Variants in CPEB4 observed in about 807,000 individuals in gnomAD.
The protein encoded by CPEB4 is cytoplasmic polyadenylation element binding protein 4.
In CPEB4, 12 loss-of-function variants were observed where a neutral mutation model predicts 72.5. The ratio of observed to expected loss-of-function variants is 0.17; its 90% CI spans 0.11 to 0.27. The LOEUF (loss-of-function observed/expected upper bound fraction) is 0.27. Among genes scored for constraint, CPEB4 ranks in the 10% least tolerant of loss-of-function variants. The pLI, the probability that CPEB4 is intolerant of heterozygous loss-of-function variation, is 1.00. For synonymous variants in CPEB4, 302 were observed against 326.3 expected, an observed-to-expected ratio of 0.93 and a Z score of 0.80; for missense variants, 614 against 908.5, an observed-to-expected ratio of 0.68 and a Z score of 4.17.
At position 173,950,122 on chromosome 5, in the gene CPEB4, A is replaced by T. The variant is rs185154521; in HGVS notation, c.1665+44A>T. The T allele has an allele frequency of 1.0e-5, 12 of 1,184,108 alleles. No homozygotes were observed. The highest frequency in any genetic ancestry group is 2.1e-5 in the Admixed American group (1 of 48,422). 73.4% of individuals were successfully genotyped at this position (1,184,108 alleles called of 1,614,324 possible). A position where few individuals can be genotyped will look rare whatever the true frequency, so the allele number is the denominator to read the frequency against. ...AAAATAGCTTCTTGTTTTTGCCTCC[A>T]TTCATCTGTTATATTTGAAAAACCC... On this transcript the variant is annotated intron_variant, in intron 7 of 9. Coordinates refer to ENST00000265085, the MANE Select transcript of CPEB4 (RefSeq NM_030627.4). The surrounding 1 kb of genome is among the most constrained non-coding windows in gnomAD (Gnocchi z 5.0).
In CPEB4 at chr5:173,927,689, A is replaced by G. The variant is rs190268261; in HGVS notation, c.1208-4761A>G. On this transcript the variant is annotated intron_variant, in intron 2 of 9. Coordinates refer to ENST00000265085, the MANE Select transcript of CPEB4 (RefSeq NM_030627.4). Reference sequence around the variant, plus strand: ...CTACTCGGGAGGCTGAGGCAGAAGAATCGCTTGAACCCAGGAAGCAGAGGT... The same window carrying G: ...CTACTCGGGAGGCTGAGGCAGAAGAGTCGCTTGAACCCAGGAAGCAGAGGT... 8.9e-4 allele frequency among the ~76,000 whole-genome samples: 135 copies of G among 152,260 alleles called. 1 individual carries two copies. The highest frequency in any genetic ancestry group is 3.2e-3 in the African/African-American group (131 of 41,524).
rs1411430513 is a variant in CPEB4, at chr5:173,956,500, TATAAC to T, written c.*367_*371del. 2 of 172,210 alleles carry T rather than the reference TATAAC, an allele frequency of 1.2e-5. No individual in the cohort carries two copies. The highest frequency in any genetic ancestry group is 2.5e-5 in the Non-Finnish European group (2 of 80,960). The allele number at this position is 172,210 out of a possible 1,614,324, so 10.7% of individuals were successfully genotyped here. ...TTTTTAATTAAATTATTGTTAATAA[TATAAC>T]ATATAAGAATACTTTTATTAAAATA... On this transcript the variant is annotated 3_prime_UTR_variant, in exon 10 of 10. Coordinates refer to ENST00000265085, the MANE Select transcript of CPEB4 (RefSeq NM_030627.4).
At chr5:173,905,024 T>A (rs920688257) in intron 1 of CPEB4, among the ~76,000 whole-genome samples, 134 of 144,060 alleles carry the variant, frequency 9.3e-4, no homozygotes, top group African/African-American at 3.3e-3. Flanking sequence ...AATAAAAAAA[T>A]GTAACTTAGA....
intron 1 of CPEB4, among the ~76,000 whole-genome samples, chr5:173,897,589 A>G (rs1224984012): frequency 6.6e-6 from 1 of 152,158 alleles, no homozygotes; most frequent in Admixed American, 6.5e-5. Context: ...TTTTTCTCTT[A>G]AATATTATAA....
rs1758538325 is a variant in CPEB4 at position 173,961,134 on chromosome 5, A to T, written c.*4997A>T. The T allele has an allele frequency of 6.6e-6, 1 of 152,144 alleles. No homozygotes were observed. The highest frequency in any genetic ancestry group is 6.5e-5 in the Admixed American group (1 of 15,280). 9.4% of individuals were successfully genotyped at this position (152,144 alleles called of 1,614,324 possible). On this transcript the variant is annotated 3_prime_UTR_variant, in exon 10 of 10. Coordinates refer to ENST00000265085, the MANE Select transcript of CPEB4 (RefSeq NM_030627.4). ...CCCAACAGGCAGCTCTTCTAACTAT[A>T]GAGATTACTGAGGGTAAGGGCAGGC...
intron 1 of CPEB4, among the ~76,000 whole-genome samples, chr5:173,895,617 A>G (rs1755977865): frequency 6.6e-6 from 1 of 152,040 alleles, no homozygotes; most frequent in African/African-American, 2.4e-5. Flanking sequence ...TTAATACAGT[A>G]TCGTTCCAAG....
At chr5:173,901,436 G>A (rs1413630375) in intron 1 of CPEB4, among the ~76,000 whole-genome samples, 1 of 152,184 alleles carries the variant, frequency 6.6e-6, no homozygotes, top group Non-Finnish European at 1.5e-5. Flanking sequence ...AATATGAGAT[G>A]CTGTTAAATG....
intron 3 of CPEB4, among the ~76,000 whole-genome samples, chr5:173,938,027 T>C (rs953193626): frequency 1.3e-5 from 2 of 152,236 alleles, no homozygotes; most frequent in Admixed American, 6.5e-5. Flanking sequence ...CTTTGTTGAA[T>C]CGTATGCTTT....
chr5:173,914,425 T>C (rs1272594579), intron 2 of CPEB4, among the ~76,000 whole-genome samples: 1 of 152,184 alleles, frequency 6.6e-6, no homozygotes, highest in Non-Finnish European at 1.5e-5. Context: ...AATAAAATAC[T>C]CTTCTAGTGC....
intron 1 of CPEB4, among the ~76,000 whole-genome samples, chr5:173,896,811 G>A (rs1229078382): frequency 1.3e-5 from 2 of 152,164 alleles, no homozygotes; most frequent in Non-Finnish European, 2.9e-5. Context: ...TGTGATCCTA[G>A]TACTTTGGGA....
rs910305144 is a variant in CPEB4, at chr5:173,953,166, A to G, written c.1856A>G (p.Lys619Arg). 6 of 1,613,926 alleles carry G rather than the reference A, an allele frequency of 3.7e-6. No individual in the cohort carries two copies. The highest frequency in any genetic ancestry group is 1.7e-6 in the Non-Finnish European group (2 of 1,179,858). ...YAGIDTDPEL[K>R]YPKGAGRVAF... ...GGGATTGATACCGACCCTGAGCTAA[A>G]ATACCCAAAAGGAGCTGGGAGAGTT... Residue 619 changes from lysine (K) to arginine (R), a missense_variant, in exon 9 of 10, where the codon AAA (lysine) becomes AGA (arginine). Lys to Arg is a conservative substitution (Grantham distance 26). Around this residue, in one of 5 missense-constraint regions of CPEB4, gnomAD observed 101 missense variants for 243.1 expected, o/e 0.42. Transcript: ENST00000265085.
intron 3 of CPEB4, among the ~76,000 whole-genome samples, chr5:173,932,783 A>G (rs1757492994): frequency 6.6e-6 from 1 of 152,236 alleles, no homozygotes; most frequent in Non-Finnish European, 1.5e-5. Context: ...TAGCTTCTGT[A>G]GAGTGACCTT....
intron 3 of CPEB4, among the ~76,000 whole-genome samples, chr5:173,935,444 C>T (rs1189903407): frequency 6.6e-6 from 1 of 152,128 alleles, no homozygotes; most frequent in Non-Finnish European, 1.5e-5. Context: ...AGCTATTCTT[C>T]CTTGTCCACT....
intron 1 of CPEB4, among the ~76,000 whole-genome samples, chr5:173,898,431 C>T (rs924302614): frequency 1.3e-5 from 2 of 152,098 alleles, no homozygotes; most frequent in South Asian, 2.1e-4. Context: ...AGATATGGCT[C>T]GGCCATTCAT....
At chr5:173,944,837 G>C in intron 4 of CPEB4, 130 bp from the exon 5 acceptor site, 2 of 764,856 alleles carry the variant, frequency 2.6e-6, no homozygotes, top group South Asian at 3.7e-5. Context: ...ATAGCTAAGT[G>C]TTTCTATTAT....
At chr5:173,891,806 G>T (rs1489587515) in intron 1 of CPEB4, among the ~76,000 whole-genome samples, 1 of 152,084 alleles carries the variant, frequency 6.6e-6, no homozygotes, top group East Asian at 1.9e-4. Context: ...TATGTGTTTA[G>T]GAAATTTATA....
chr5:173,913,280 C>A (rs1756734403), intron 2 of CPEB4, among the ~76,000 whole-genome samples: 1 of 151,910 alleles, frequency 6.6e-6, no homozygotes. Flanking sequence ...TCACTGCAAC[C>A]TTTGCCTCCT....
intron 3 of CPEB4, among the ~76,000 whole-genome samples, chr5:173,940,775 T>G (rs1035703541): frequency 1.3e-5 from 2 of 152,248 alleles, no homozygotes; most frequent in Non-Finnish European, 2.9e-5. Context: ...TTAATTTACA[T>G]TAATTTCCTG....
At chr5:173,916,274 A>G (rs147304506) in intron 2 of CPEB4, among the ~76,000 whole-genome samples, 1,832 of 152,334 alleles carry the variant, frequency 0.012, 13 homozygotes, top group Middle Eastern at 0.041. Flanking sequence ...TGTTGCTTTC[A>G]GATTTTTGAA....
Sources: allele counts gnomAD v4.1 joint callset (sites outside exome capture counted in the v4.1 genomes callset), GRCh38; gene constraint gnomAD v4.1.1; regional missense constraint gnomAD v4.1.1; non-coding constraint Gnocchi (gnomAD v3.1); transcripts MANE v1.5; gene names NCBI Gene and HGNC (gene_info 2026-07-23, HGNC 2026-07-21).